The following C16orf74 variants were observed in gnomAD, a reference collection of about 807,000 sequenced individuals.
The protein encoded by C16orf74 is uncharacterized protein C16orf74.
A neutral mutation model predicts 6.5 loss-of-function variants in C16orf74; 10 were observed. That is an observed-to-expected ratio of 1.54 (90% CI 0.95 to 2.61). C16orf74 has a LOEUF of 2.61. Among genes scored for constraint, C16orf74 ranks in the 30% most tolerant of loss-of-function variants. The pLI, the probability that C16orf74 is intolerant of heterozygous loss-of-function variation, is 0.00. For synonymous variants in C16orf74, 60 were observed against 42.5 expected (o/e 1.41, Z -1.60); for missense variants, 141 against 105.9 (o/e 1.33, Z -1.45).
chr16:85,748,150 ATATATATATGTG>A (rs1567815519), intron 1 of C16orf74, among the ~76,000 whole-genome samples: 1 of 68,112 alleles, frequency 1.5e-5, no homozygotes, highest in Non-Finnish European at 5.6e-5. Flanking sequence ...GTGTGTGTAT[ATATATATATGTG>A]TATATATATA....
chr16:85,719,919 A>G (rs1281305160), intron 2 of C16orf74, among the ~76,000 whole-genome samples: 1 of 151,968 alleles, frequency 6.6e-6, no homozygotes, highest in African/African-American at 2.4e-5. Flanking sequence ...GCCCTGAGGC[A>G]GGAACAGAGG....
At chr16:85,710,422 G>A (rs2053958347) in intron 2 of C16orf74, 115 bp from the exon 3 acceptor site, 3 of 1,020,484 alleles carry the variant, frequency 2.9e-6, no homozygotes, top group South Asian at 1.9e-5. Context: ...GGGTCCTGAC[G>A]CCTCGCAGCA....
At chr16:85,746,456 G>A (rs1049932890) in intron 1 of C16orf74, among the ~76,000 whole-genome samples, 1 of 152,144 alleles carries the variant, frequency 6.6e-6, no homozygotes, top group Non-Finnish European at 1.5e-5. Context: ...GATTTCTAAC[G>A]TCTGGCTGTC....
chr16:85,736,180 G>C (rs755556128), intron 1 of C16orf74, among the ~76,000 whole-genome samples: 4 of 152,170 alleles, frequency 2.6e-5, no homozygotes, highest in Admixed American at 2.0e-4. Context: ...AGATGGGTGG[G>C]ACCTGGGGTT....
At chr16:85,734,545 C>T (rs1230816854) in intron 2 of C16orf74, among the ~76,000 whole-genome samples, 6 of 152,180 alleles carry the variant, frequency 3.9e-5, no homozygotes, top group Non-Finnish European at 7.3e-5. Context: ...GCAGCGGGGC[C>T]GCAAGTCAGA....
chr16:85,713,124 G>C (rs572688411), intron 2 of C16orf74, among the ~76,000 whole-genome samples: 15 of 152,138 alleles, frequency 9.9e-5, no homozygotes, highest in Admixed American at 7.9e-4. Context: ...GGTTCCTCTG[G>C]AGGCTGCAAG....
chr16:85,748,573 G>C (rs911623121), intron 1 of C16orf74, among the ~76,000 whole-genome samples: 4 of 152,134 alleles, frequency 2.6e-5, no homozygotes, highest in Non-Finnish European at 5.9e-5. Flanking sequence ...ACTCCAGCCT[G>C]GGTGACAGAG....
Position 85,726,393 on chromosome 16 carries a change from C to A in C16orf74, c.28+8797G>T, listed in dbSNP as rs191181229. Among the ~76,000 whole-genome samples, 323 of 150,298 alleles carry A rather than the reference C, an allele frequency of 2.1e-3. 2 individuals are homozygous for A. The highest frequency in any genetic ancestry group is 7.5e-3 in the African/African-American group (298 of 39,638). ...GGCTCTGTCCCGCACTGGAAGGGAA[C>A]CAGCACCATGGAACAGCGACTGTGC... is the stretch of plus-strand genomic sequence containing the variant. On this transcript the variant is annotated intron_variant, in intron 2 of 3. Coordinates refer to ENST00000284245, the MANE Select transcript of C16orf74 (RefSeq NM_206967.3).
intron 1 of C16orf74, among the ~76,000 whole-genome samples, chr16:85,737,021 C>T (rs549847802): frequency 2.0e-5 from 3 of 151,256 alleles, no homozygotes; most frequent in Non-Finnish European, 2.9e-5. Flanking sequence ...GCAGCCTGGG[C>T]GACAGAGTGA....
chr16:85,725,295 G>T (rs1394458214), intron 2 of C16orf74, among the ~76,000 whole-genome samples: 1 of 151,958 alleles, frequency 6.6e-6, no homozygotes, highest in Admixed American at 6.5e-5. Context: ...CCCTGGAATT[G>T]AGCCTGCACA....
intron 2 of C16orf74, among the ~76,000 whole-genome samples, chr16:85,733,842 C>T (rs2054216324): frequency 6.6e-6 from 1 of 152,206 alleles, no homozygotes; most frequent in South Asian, 2.1e-4. Flanking sequence ...TAGTAAACGA[C>T]ACCCCGATTT....
intron 2 of C16orf74, among the ~76,000 whole-genome samples, chr16:85,732,475 G>A (rs905052251): frequency 1.6e-4 from 25 of 152,016 alleles, no homozygotes; most frequent in Non-Finnish European, 3.2e-4. Flanking sequence ...AGACCAGCCT[G>A]GACAACATGG....
At chr16:85,746,098 G>C (rs758263049) in intron 1 of C16orf74, among the ~76,000 whole-genome samples, 4 of 152,168 alleles carry the variant, frequency 2.6e-5, no homozygotes, top group Non-Finnish European at 4.4e-5. Flanking sequence ...TGTCATCCCA[G>C]CACTTTGGGA....
At chr16:85,739,814 GTAA>G (rs1321236954) in intron 1 of C16orf74, among the ~76,000 whole-genome samples, 2 of 152,168 alleles carry the variant, frequency 1.3e-5, no homozygotes, top group East Asian at 3.9e-4. Context: ...AAGAAAAGAA[GTAA>G]TAAAACAGTC....
intron 2 of C16orf74, among the ~76,000 whole-genome samples, chr16:85,714,547 G>A (rs1285361791): frequency 4.0e-5 from 6 of 151,824 alleles, no homozygotes; most frequent in East Asian, 1.9e-4. Context: ...AGCCTCCCTA[G>A]TAGCTGGGAT....
intron 2 of C16orf74, among the ~76,000 whole-genome samples, chr16:85,730,428 G>C (rs988163078): frequency 2.0e-5 from 3 of 152,026 alleles, no homozygotes; most frequent in Non-Finnish European, 4.4e-5. Flanking sequence ...GCCTACTTTG[G>C]TTCTAGAGGG....
chr16:85,718,237 C>A (rs898075020), intron 2 of C16orf74, among the ~76,000 whole-genome samples: 1 of 151,994 alleles, frequency 6.6e-6, no homozygotes, highest in Non-Finnish European at 1.5e-5. Flanking sequence ...CCACACCTGG[C>A]TAAGTTTTAA....
intron 1 of C16orf74, chr16:85,743,169 G>A (rs1028763524): frequency 6.6e-6 from 1 of 152,212 alleles, no homozygotes; most frequent in Non-Finnish European, 1.5e-5. Context: ...TCATGCGAGA[G>A]GCCCCTTAGA....
intron 3 of C16orf74, among the ~76,000 whole-genome samples, chr16:85,708,828 C>A (rs2152057037): frequency 6.6e-6 from 1 of 152,344 alleles, no homozygotes; most frequent in East Asian, 1.9e-4. Context: ...GATTCCCCCT[C>A]CCAGACAGCC....
Sources: allele counts gnomAD v4.1 joint callset (sites outside exome capture counted in the v4.1 genomes callset), GRCh38; gene constraint gnomAD v4.1.1; transcripts MANE v1.5; gene names NCBI Gene and HGNC (gene_info 2026-07-23, HGNC 2026-07-21).